COP1: variants seen among roughly 807,000 people sequenced by gnomAD.
COP1 encodes E3 ubiquitin-protein ligase COP1.
In COP1, 24 loss-of-function variants were observed where a neutral mutation model predicts 101.3. The observed-to-expected ratio is 0.24, with a 90% CI of 0.17 to 0.33. The LOEUF (loss-of-function observed/expected upper bound fraction) is 0.33, where lower values mean the gene tolerates loss of function less well. Ranked by LOEUF, COP1 falls within the 10% of genes least tolerant of loss-of-function variation. COP1 has a pLI of 1.00. For synonymous variants in COP1, 347 were observed against 341.9 expected, an observed-to-expected ratio of 1.01 and a Z score of -0.17; for missense variants, 663 against 906.2, an observed-to-expected ratio of 0.73 and a Z score of 3.45.
At chr1:176,052,439 C>T (rs1672733987) in intron 11 of COP1, among the ~76,000 whole-genome samples, 2 of 152,130 alleles carry the variant, frequency 1.3e-5, no homozygotes, top group Non-Finnish European at 2.9e-5. Context: ...ATCAAGACTC[C>T]TACTCCTGAA....
intron 9 of COP1, among the ~76,000 whole-genome samples, chr1:176,093,985 T>C (rs921998733): frequency 6.7e-6 from 1 of 149,520 alleles, no homozygotes; most frequent in Non-Finnish European, 1.5e-5. Context: ...ATTGTGCCAC[T>C]GCACTCCAGC....
chr1:176,041,169 G>A (rs1670455665), intron 14 of COP1, among the ~76,000 whole-genome samples: 1 of 151,792 alleles, frequency 6.6e-6, no homozygotes, highest in South Asian at 2.1e-4. Context: ...ATATTTCCAG[G>A]AAAAAAAGGT....
intron 11 of COP1, among the ~76,000 whole-genome samples, chr1:176,067,004 C>T (rs1015209619): frequency 6.6e-6 from 1 of 152,042 alleles, no homozygotes; most frequent in African/African-American, 2.4e-5. Flanking sequence ...ACTTATTGGG[C>T]AAGAAGCTCT....
chr1:176,097,321 A>G (rs1485816028), intron 9 of COP1, among the ~76,000 whole-genome samples: 1 of 152,098 alleles, frequency 6.6e-6, no homozygotes, highest in East Asian at 1.9e-4. Flanking sequence ...CTCATGGAAC[A>G]CCAGTAATTA....
intron 5 of COP1, among the ~76,000 whole-genome samples, chr1:176,162,502 ATC>A (rs1417114980): frequency 6.6e-6 from 1 of 152,178 alleles, no homozygotes; most frequent in African/African-American, 2.4e-5. Flanking sequence ...GATAAAAATA[ATC>A]TCTATTTCTC....
At chr1:175,964,962 G>A (rs1165015370) in intron 18 of COP1, among the ~76,000 whole-genome samples, 2 of 152,048 alleles carry the variant, frequency 1.3e-5, no homozygotes, top group Non-Finnish European at 2.9e-5. Context: ...TTTTCTCATT[G>A]CCAGAAAAGA....
At chr1:176,027,249 T>C (rs1271700903) in intron 15 of COP1, among the ~76,000 whole-genome samples, 1 of 152,206 alleles carries the variant, frequency 6.6e-6, no homozygotes, top group East Asian at 1.9e-4. Flanking sequence ...TATAGCTTAA[T>C]AATAGCTTAA....
At chr1:176,120,378 C>T (rs1357499938) in intron 8 of COP1, among the ~76,000 whole-genome samples, 2 of 151,936 alleles carry the variant, frequency 1.3e-5, no homozygotes, top group African/African-American at 4.8e-5. Context: ...CGAGATCACA[C>T]CACTGCACTC....
chr1:175,947,855 T>G (rs1471804973), intron 18 of COP1, among the ~76,000 whole-genome samples: 1 of 151,972 alleles, frequency 6.6e-6, no homozygotes, highest in African/African-American at 2.4e-5. Flanking sequence ...TGAAATAAAA[T>G]GAAAAAAAGA....
At chr1:175,971,724 T>C (rs147084768) in intron 18 of COP1, among the ~76,000 whole-genome samples, 19 of 152,332 alleles carry the variant, frequency 1.2e-4, no homozygotes, top group African/African-American at 4.3e-4. Context: ...ACAGTACCTT[T>C]CAGGAGGCAG....
At chr1:176,143,623 T>C (rs1396885986) in intron 6 of COP1, among the ~76,000 whole-genome samples, 1 of 151,954 alleles carries the variant, frequency 6.6e-6, no homozygotes, top group East Asian at 1.9e-4. Flanking sequence ...CCAAACCATA[T>C]AGAAGAGAAT....
chr1:175,972,500 G>C (rs1017845703), intron 18 of COP1, among the ~76,000 whole-genome samples: 1 of 144,286 alleles, frequency 6.9e-6, no homozygotes, highest in Non-Finnish European at 1.5e-5. Flanking sequence ...GAGTCTGGCT[G>C]TGTTGCCAGA....
In COP1 at chr1:176,042,093, C is replaced by G. The variant is rs1670657445; in HGVS notation, c.1612+1093G>C. Reference sequence around the variant, plus strand: ...CCCCACTGTACTCCAGTCTGGGCAGCAGAGCGAGATTACGTCTCAAAAAAA... The same window carrying G: ...CCCCACTGTACTCCAGTCTGGGCAGGAGAGCGAGATTACGTCTCAAAAAAA... On this transcript the variant is annotated intron_variant, in intron 14 of 19. Transcript: ENST00000367669. Among the ~76,000 whole-genome samples the G allele has an allele frequency of 2.6e-5, 4 of 151,704 alleles. No individual in the cohort carries two copies. In the South Asian group the frequency reaches 8.3e-4, roughly 32 times the overall value.
intron 14 of COP1, among the ~76,000 whole-genome samples, chr1:176,039,183 A>G (rs1166015799): frequency 6.6e-6 from 1 of 152,222 alleles, no homozygotes; most frequent in Non-Finnish European, 1.5e-5. Flanking sequence ...AAATAGCTGA[A>G]AAATTCCCAA....
At chr1:176,016,764 T>A (rs1287668323) in intron 15 of COP1, among the ~76,000 whole-genome samples, 1 of 152,102 alleles carries the variant, frequency 6.6e-6, no homozygotes, top group African/African-American at 2.4e-5. Flanking sequence ...CAGGTAAGTA[T>A]CAATCCAGGT....
chr1:176,101,567 G>A (rs1443281526), intron 9 of COP1, among the ~76,000 whole-genome samples: 1 of 152,116 alleles, frequency 6.6e-6, no homozygotes, highest in East Asian at 1.9e-4. Flanking sequence ...TTGGGCTCAG[G>A]GGAAGGGAAC....
At chr1:175,966,753 AG>A (rs1401879991) in intron 18 of COP1, among the ~76,000 whole-genome samples, 2 of 152,244 alleles carry the variant, frequency 1.3e-5, no homozygotes, top group Admixed American at 1.3e-4. Flanking sequence ...GGCTCCTAAA[AG>A]CCTTGTTACA....
chr1:176,160,179 G>A, intron 5 of COP1: 1 of 287,160 alleles, frequency 3.5e-6, no homozygotes, highest in South Asian at 3.0e-5. Context: ...TGGCATATGA[G>A]AAGGTAGGAA....
At chr1:176,114,717 A>G (rs1685892235) in intron 9 of COP1, among the ~76,000 whole-genome samples, 1 of 152,160 alleles carries the variant, frequency 6.6e-6, no homozygotes, top group Non-Finnish European at 1.5e-5. Flanking sequence ...CCTCCCAAGT[A>G]GCTGAAACCA....
Sources: allele counts gnomAD v4.1 joint callset (sites outside exome capture counted in the v4.1 genomes callset), GRCh38; gene constraint gnomAD v4.1.1; transcripts MANE v1.5; gene names NCBI Gene and HGNC (gene_info 2026-07-23, HGNC 2026-07-21).